Variants in RYR2 observed in about 807,000 individuals in gnomAD.
The protein encoded by RYR2 is cardiac muscle ryanodine receptor-calcium release channel.
In RYR2, 227 loss-of-function variants were observed where a neutral mutation model predicts 601.1. The observed-to-expected ratio is 0.38, with a 90% confidence interval of 0.34 to 0.42. The LOEUF is 0.42. Ranked by LOEUF, RYR2 falls within the 10% of genes least tolerant of loss-of-function variation. The pLI is 1.00. For synonymous variants in RYR2, 2,223 were observed against 2,175.1 expected (o/e 1.02, Z -0.61); for missense variants, 4,646 against 6,156.5 (o/e 0.75, Z 8.21).
intron 80 of RYR2, chr1:237,755,201 C>T: frequency 1.3e-6 from 1 of 759,386 alleles, no homozygotes; most frequent in Non-Finnish European, 1.8e-6. Context: ...TTTTCCCCCT[C>T]CTTTTAGTTC....
chr1:237,707,704 A>C (rs1410879377), intron 68 of RYR2, among the ~76,000 whole-genome samples: 1 of 152,202 alleles, frequency 6.6e-6, no homozygotes, highest in South Asian at 2.1e-4. Flanking sequence ...CTAAGTACCC[A>C]ATAACCAGAA....
intron 2 of RYR2, among the ~76,000 whole-genome samples, chr1:237,317,604 G>A (rs1446449621): frequency 6.6e-6 from 1 of 152,058 alleles, no homozygotes; most frequent in African/African-American, 2.4e-5. Flanking sequence ...TGTTTCCAAT[G>A]TATGCAATCA....
chr1:237,391,858 C>T (rs1406129838), intron 10 of RYR2, among the ~76,000 whole-genome samples: 2 of 152,124 alleles, frequency 1.3e-5, no homozygotes, highest in African/African-American at 4.8e-5. Flanking sequence ...TGATGCCTAT[C>T]AGAGTTAAAC....
At chr1:237,470,557 A>G (rs1660607308) in intron 17 of RYR2, among the ~76,000 whole-genome samples, 1 of 152,206 alleles carries the variant, frequency 6.6e-6, no homozygotes, top group Non-Finnish European at 1.5e-5. Context: ...TTGTTGTAAT[A>G]AAAACAAAAA....
chr1:237,187,655 G>T (rs1182472106), intron 1 of RYR2, among the ~76,000 whole-genome samples: 1 of 151,272 alleles, frequency 6.6e-6, no homozygotes, highest in Non-Finnish European at 1.5e-5. Flanking sequence ...TGTTACCCAG[G>T]CTGGTATTGA....
intron 2 of RYR2, among the ~76,000 whole-genome samples, chr1:237,297,535 A>T (rs1692914187): frequency 6.6e-6 from 1 of 152,108 alleles, no homozygotes; most frequent in Admixed American, 6.6e-5. Context: ...GTTTAAAAAC[A>T]TTTTTTGTGA....
chr1:237,405,042 A>T (rs1703725189), intron 10 of RYR2, among the ~76,000 whole-genome samples: 1 of 152,220 alleles, frequency 6.6e-6, no homozygotes, highest in African/African-American at 2.4e-5. Flanking sequence ...CTGAGCAGGG[A>T]ACCCAGCTAC....
chr1:237,613,291 T>C (rs531788369), intron 36 of RYR2, among the ~76,000 whole-genome samples: 1 of 152,322 alleles, frequency 6.6e-6, no homozygotes, highest in South Asian at 2.1e-4. Flanking sequence ...GGTGGTTTAC[T>C]CCCTCAATTG....
In RYR2 at chr1:237,686,764, A is replaced by G. The variant is rs114983400; in HGVS notation, c.9018-691A>G. Among the ~76,000 whole-genome samples, 453 of 152,270 alleles carry G rather than the reference A, an allele frequency of 3.0e-3. 4 individuals are homozygous for G. Among genetic ancestry groups the G allele is most frequent in the African/African-American group, 0.011 (443 of 41,562 alleles). On this transcript the variant is annotated intron_variant, in intron 62 of 104. Coordinates refer to ENST00000366574, the MANE Select transcript of RYR2 (RefSeq NM_001035.3). Reference sequence around the variant, plus strand: ...TAATTGCCATGAAGGACTCAAAGACACAGGAACCTGCTCTGGAGCAGATAA... The same window carrying G: ...TAATTGCCATGAAGGACTCAAAGACGCAGGAACCTGCTCTGGAGCAGATAA...
At chr1:237,690,696 G>A (rs952952073) in intron 63 of RYR2, among the ~76,000 whole-genome samples, 4 of 152,056 alleles carry the variant, frequency 2.6e-5, no homozygotes, top group East Asian at 3.9e-4. Context: ...ACCCCATCTC[G>A]ACTAAGAATA....
chr1:237,502,143 G>A (rs1355010647), intron 21 of RYR2, among the ~76,000 whole-genome samples: 2 of 152,124 alleles, frequency 1.3e-5, no homozygotes, highest in African/African-American at 4.8e-5. Flanking sequence ...GAACAACAGA[G>A]TGAGACCTTG....
At chr1:237,169,579 C>T (rs1378083294) in intron 1 of RYR2, among the ~76,000 whole-genome samples, 5 of 152,194 alleles carry the variant, frequency 3.3e-5, no homozygotes, top group South Asian at 2.1e-4. Flanking sequence ...TGTGAGCCAC[C>T]GTGCCCTGCC....
At chr1:237,577,511 T>TGTGA (rs1178927867) in intron 29 of RYR2, among the ~76,000 whole-genome samples, 1 of 58,660 alleles carries the variant, frequency 1.7e-5, no homozygotes, top group Non-Finnish European at 4.1e-5. Context: ...TGTGTGTGTG[T>TGTGA]GTGTGTGTGT....
At chr1:237,654,211 A>G in intron 51 of RYR2, 63 bp from the exon 52 acceptor site, 1 of 1,557,462 alleles carries the variant, frequency 6.4e-7, no homozygotes, top group Non-Finnish European at 8.6e-7. Flanking sequence ...TATGAGGAGA[A>G]ATGAAAAAAA....
At chr1:237,629,654 T>TA (rs1246169272) in intron 41 of RYR2, among the ~76,000 whole-genome samples, 1 of 152,032 alleles carries the variant, frequency 6.6e-6, no homozygotes, top group African/African-American at 2.4e-5. Context: ...CAAAGAAACT[T>TA]AGAGTTAATT....
intron 1 of RYR2, among the ~76,000 whole-genome samples, chr1:237,090,079 C>T (rs371946999): frequency 3.9e-5 from 6 of 152,090 alleles, no homozygotes; most frequent in Non-Finnish European, 7.4e-5. Context: ...GAGTCTCTTT[C>T]AAAACTATCA....
intron 34 of RYR2, among the ~76,000 whole-genome samples, chr1:237,600,585 C>T (rs571080136): frequency 6.6e-6 from 1 of 152,050 alleles, no homozygotes; most frequent in South Asian, 2.1e-4. Flanking sequence ...GCAACAAAAG[C>T]AAAAATAGAC....
At chr1:237,490,470 A>T (rs924925205) in intron 17 of RYR2, among the ~76,000 whole-genome samples, 2 of 152,214 alleles carry the variant, frequency 1.3e-5, no homozygotes, top group Non-Finnish European at 2.9e-5. Context: ...ATTTTATTTT[A>T]GCACAGAATG....
At position 237,742,326 on chromosome 1, in the gene RYR2, G is replaced by A; in HGVS notation, c.11122G>A (p.Glu3708Lys). ...SCHDEEDDDG[E>K]EEVKSFEEKE... ...TCATGATGAGGAAGATGACGATGGT[G>A]AAGAGGAAGTGAAGAGTTTTGAAGT... Residue 3708 changes from glutamate to lysine, a missense_variant, in exon 80 of 105, where the codon GAA (glutamate) becomes AAA (lysine). This residue lies in a region of RYR2 where 1,497 missense variants were observed against 1,842.6 expected (regional missense o/e 0.81). Coordinates refer to ENST00000366574, the MANE Select transcript of RYR2 (RefSeq NM_001035.3). 6.4e-7 allele frequency: 1 copy of A among 1,563,860 alleles called. No individual in the cohort carries two copies. Among genetic ancestry groups the A allele is most frequent in the South Asian group, 1.2e-5 (1 of 85,438 alleles).
Sources: allele counts gnomAD v4.1 joint callset (sites outside exome capture counted in the v4.1 genomes callset), GRCh38; gene constraint gnomAD v4.1.1; regional missense constraint gnomAD v4.1.1; transcripts MANE v1.5; gene names NCBI Gene and HGNC (gene_info 2026-07-23, HGNC 2026-07-21).